THADA: variants seen among roughly 807,000 people sequenced by gnomAD.
THADA encodes tRNA (32-2'-O)-methyltransferase regulator THADA.
In THADA, 213 loss-of-function variants were observed where a neutral mutation model predicts 219.8. The observed-to-expected ratio is 0.97, with a 90% CI of 0.87 to 1.09. The LOEUF (loss-of-function observed/expected upper bound fraction) is 1.09, where lower values mean the gene tolerates loss of function less well. THADA is among the 50% of genes least tolerant of loss of function. THADA has a pLI of 0.00. For synonymous variants in THADA, 1,018 were observed against 828.9 expected (o/e 1.23, Z -3.92); for missense variants, 2,956 against 2,311.3 (o/e 1.28, Z -5.72).
At chr2:43,509,417 G>A (rs1214083912) in intron 22 of THADA, among the ~76,000 whole-genome samples, 1 of 152,170 alleles carries the variant, frequency 6.6e-6, no homozygotes, top group Admixed American at 6.5e-5. Flanking sequence ...TTAAATGTAT[G>A]CCCTACTAGA....
chr2:43,283,899 C>A (rs1673671040), intron 35 of THADA, among the ~76,000 whole-genome samples: 1 of 152,214 alleles, frequency 6.6e-6, no homozygotes, highest in Non-Finnish European at 1.5e-5. Context: ...GGAGCCAAGG[C>A]TAGGTGCAGT....
chr2:43,516,707 C>T (rs1224479307), intron 22 of THADA, among the ~76,000 whole-genome samples: 1 of 152,076 alleles, frequency 6.6e-6, no homozygotes, highest in Non-Finnish European at 1.5e-5. Flanking sequence ...AAAGCCCTTG[C>T]CTAATAAAAA....
intron 36 of THADA, among the ~76,000 whole-genome samples, chr2:43,242,059 C>G (rs956160408): frequency 1.3e-5 from 2 of 152,234 alleles, no homozygotes; most frequent in African/African-American, 4.8e-5. Flanking sequence ...GCCTGTCCCT[C>G]AGGACGCAAC....
chr2:43,309,595 A>G (rs1677257482), intron 31 of THADA, among the ~76,000 whole-genome samples: 1 of 151,760 alleles, frequency 6.6e-6, no homozygotes, highest in South Asian at 2.1e-4. Flanking sequence ...AAAATTCAAC[A>G]TTCTTTTGTG....
intron 26 of THADA, among the ~76,000 whole-genome samples, chr2:43,457,526 T>A (rs934524290): frequency 3.9e-5 from 6 of 152,066 alleles, no homozygotes; most frequent in African/African-American, 1.4e-4. Flanking sequence ...CCTAGAAAAA[T>A]GACTGATACA....
At chr2:43,494,873 AGG>A (rs1688077723) in intron 25 of THADA, among the ~76,000 whole-genome samples, 1 of 152,230 alleles carries the variant, frequency 6.6e-6, no homozygotes, top group African/African-American at 2.4e-5. Context: ...CGAAAGACTA[AGG>A]AGTCTGTAAA....
intron 25 of THADA, among the ~76,000 whole-genome samples, chr2:43,487,318 C>T (rs1687035095): frequency 6.6e-6 from 1 of 152,166 alleles, no homozygotes; most frequent in Non-Finnish European, 1.5e-5. Context: ...ACACAGACTC[C>T]ATCTTGCCCT....
intron 29 of THADA, among the ~76,000 whole-genome samples, chr2:43,349,937 T>C (rs1668060828): frequency 6.6e-6 from 1 of 152,234 alleles, no homozygotes; most frequent in Admixed American, 6.5e-5. Context: ...GTTTTCTCCC[T>C]GCACTGCTTC....
At chr2:43,417,633 T>C (rs1339312309) in intron 28 of THADA, among the ~76,000 whole-genome samples, 2 of 152,236 alleles carry the variant, frequency 1.3e-5, no homozygotes, top group South Asian at 2.1e-4. Context: ...TAGGTAAAGC[T>C]GCAGGTTAAT....
chr2:43,508,694 TTAGATGA>T lies in THADA; in HGVS notation c.3454_3460del (p.Ser1152AsnfsTer31). On this transcript the variant is annotated frameshift_variant, in exon 23 of 38. Coordinates refer to ENST00000405975, the MANE Select transcript of THADA (RefSeq NM_022065.5). LOFTEE classifies it high-confidence loss of function. ...AGCACTGCGCCTTGTAGCACAGAGTTTAGATGAAGGATCACTGCATTTAATTTCCTCT... is the reference window on the plus strand; with the variant it reads ...AGCACTGCGCCTTGTAGCACAGAGTTAGGATCACTGCATTTAATTTCCTCT... 4 of 1,613,724 alleles carry T rather than the reference TTAGATGA, an allele frequency of 2.5e-6. No homozygotes were observed. The highest frequency in any genetic ancestry group is 3.4e-6 in the Non-Finnish European group (4 of 1,179,724).
intron 29 of THADA, among the ~76,000 whole-genome samples, chr2:43,366,638 A>C (rs1670190386): frequency 6.6e-6 from 1 of 152,262 alleles, no homozygotes; most frequent in African/African-American, 2.4e-5. Flanking sequence ...GCCAACAAGC[A>C]AATCAGCAAG....
chr2:43,361,223 T>G (rs1669484129), intron 29 of THADA, among the ~76,000 whole-genome samples: 1 of 152,196 alleles, frequency 6.6e-6, no homozygotes, highest in Non-Finnish European at 1.5e-5. Context: ...AGTCAAGACA[T>G]AGCTGGTAGC....
chr2:43,515,295 TATA>T lies in THADA; in HGVS notation c.3375-6518_3375-6516del, dbSNP rs1172569203. Among the ~76,000 whole-genome samples, 226 of 56,184 alleles carry T rather than the reference TATA, an allele frequency of 4.0e-3. 17 individuals carry two copies. In the East Asian group the frequency reaches 0.072, roughly 18 times the overall value. The allele number at this position is 56,184 out of a possible 152,430, so 36.9% of individuals were successfully genotyped here. Reference sequence around the variant, plus strand: ...AATATATAATATATTATATATAATATATAATATGTAATATATAATATTTTATAT... The same window carrying T: ...AATATATAATATATTATATATAATATATATGTAATATATAATATTTTATAT... On this transcript the variant is annotated intron_variant, in intron 22 of 37. Coordinates refer to ENST00000405975, the MANE Select transcript of THADA (RefSeq NM_022065.5).
chr2:43,351,068 T>C (rs1275181139), intron 29 of THADA, among the ~76,000 whole-genome samples: 2 of 152,158 alleles, frequency 1.3e-5, no homozygotes, highest in Non-Finnish European at 2.9e-5. Flanking sequence ...ACACTCCCAC[T>C]ATTTTAGTTC....
intron 28 of THADA, among the ~76,000 whole-genome samples, 189 bp downstream of exon 28, chr2:43,427,911 G>A (rs1347298328): frequency 2.0e-5 from 3 of 149,270 alleles, no homozygotes; most frequent in African/African-American, 7.3e-5. Flanking sequence ...AGCCGAGATC[G>A]CGCCACTGCA....
At chr2:43,306,603 T>C (rs1676891487) in intron 31 of THADA, among the ~76,000 whole-genome samples, 1 of 152,106 alleles carries the variant, frequency 6.6e-6, no homozygotes, top group Non-Finnish European at 1.5e-5. Flanking sequence ...GCCCCTGGGG[T>C]TGAGGGTCTG....
intron 30 of THADA, among the ~76,000 whole-genome samples, chr2:43,338,184 T>C (rs1239248031): frequency 7.2e-6 from 1 of 139,100 alleles, no homozygotes; most frequent in Non-Finnish European, 1.5e-5. Flanking sequence ...TGAGACAGAG[T>C]CTCCCTCTGT....
chr2:43,394,464 A>C (rs1050513142), intron 29 of THADA, among the ~76,000 whole-genome samples: 4 of 152,250 alleles, frequency 2.6e-5, no homozygotes, highest in Admixed American at 2.6e-4. Context: ...TCTGATTATG[A>C]AATGATTTCC....
At chr2:43,421,868 C>T (rs1373914734) in intron 28 of THADA, among the ~76,000 whole-genome samples, 1 of 152,212 alleles carries the variant, frequency 6.6e-6, no homozygotes, top group Non-Finnish European at 1.5e-5. Context: ...ACTTTTTGGG[C>T]CATGCCAAGA....
Sources: gnomAD v4.1 joint callset for allele counts (sites outside exome capture counted in the v4.1 genomes callset) on GRCh38, gnomAD v4.1.1 for gene constraint, MANE v1.5 for transcripts, NCBI Gene and HGNC (gene_info 2026-07-23, HGNC 2026-07-21) for gene names.